Variants in TEAD1 observed in about 807,000 individuals in gnomAD.
TEAD1 encodes the protein TEA domain transcription factor 1.
TEAD1 carries 9 observed loss-of-function variants against 54.9 expected under a neutral mutation model. The observed-to-expected ratio is 0.16, with a 90% CI of 0.10 to 0.29. TEAD1 has a LOEUF of 0.29. Ranked by LOEUF, TEAD1 falls within the 10% of genes least tolerant of loss-of-function variation. The probability of loss-of-function intolerance (pLI) is 1.00; values close to 1 mark genes in which losing one functional copy is unlikely to be tolerated. For missense variants in TEAD1, 387 were observed against 535.9 expected (o/e 0.72, Z 2.74); for synonymous variants, 200 against 187.8 (o/e 1.07, Z -0.53).
At chr11:12,782,253 A>G (rs1008771098) in intron 3 of TEAD1, among the ~76,000 whole-genome samples, 2 of 152,266 alleles carry the variant, frequency 1.3e-5, no homozygotes, top group Admixed American at 1.3e-4. Context: ...TAATAGCTAT[A>G]CAATGGAATA....
At chr11:12,915,313 G>C (rs1339710223) in intron 10 of TEAD1, among the ~76,000 whole-genome samples, 5 of 152,144 alleles carry the variant, frequency 3.3e-5, no homozygotes. Context: ...CACTGGGCAG[G>C]AGTAGCCTTC....
intron 2 of TEAD1, among the ~76,000 whole-genome samples, chr11:12,756,528 C>T (rs1159258021): frequency 6.6e-6 from 1 of 152,178 alleles, no homozygotes; most frequent in African/African-American, 2.4e-5. Context: ...AAGCAATTAA[C>T]CATTATTAGT....
intron 3 of TEAD1, among the ~76,000 whole-genome samples, chr11:12,811,629 C>T (rs1946301555): frequency 6.6e-6 from 1 of 152,072 alleles, no homozygotes; most frequent in South Asian, 2.1e-4. Context: ...TGGAGAGGGG[C>T]GTCTGTGGTC....
chr11:12,882,856 C>T (rs899595759), intron 8 of TEAD1, 145 bp from the exon 9 acceptor site: 49 of 1,194,220 alleles, frequency 4.1e-5, no homozygotes, highest in Admixed American at 7.9e-5. Flanking sequence ...CAGCATCTGT[C>T]GTCTGAGTTA....
At chr11:12,735,562 A>ATTT (rs58093822) in intron 2 of TEAD1, among the ~76,000 whole-genome samples, 3 of 121,044 alleles carry the variant, frequency 2.5e-5, no homozygotes, top group African/African-American at 6.1e-5. Flanking sequence ...TCCTGGTTCG[A>ATTT]TTTTTTTTTT....
At chr11:12,809,892 T>A (rs1946258423) in intron 3 of TEAD1, among the ~76,000 whole-genome samples, 1 of 151,578 alleles carries the variant, frequency 6.6e-6, no homozygotes, top group Admixed American at 6.6e-5. Flanking sequence ...TCCTGAGGCA[T>A]GAAGGAGGCC....
Position 12,879,937 on chromosome 11 carries a change from G to A in TEAD1, c.465+95G>A, listed in dbSNP as rs1312967083. Reference sequence around the variant, plus strand: ...TCCCACCTCCATTTCTTGTCATGTGGGTCAGGTATGTGAGAGGGCAAAGGC... The same window carrying A: ...TCCCACCTCCATTTCTTGTCATGTGAGTCAGGTATGTGAGAGGGCAAAGGC... On this transcript the variant is annotated intron_variant, in intron 6 of 12. Coordinates refer to ENST00000527636, the MANE Select transcript of TEAD1 (RefSeq NM_021961.6). 5.1e-6 allele frequency: 8 copies of A among 1,583,438 alleles called. No individual in the cohort carries two copies. The East Asian group carries it at 1.8e-4, about 35-fold the overall frequency.
intron 3 of TEAD1, among the ~76,000 whole-genome samples, chr11:12,826,517 A>G (rs1215330511): frequency 2.6e-5 from 4 of 152,208 alleles, no homozygotes; most frequent in East Asian, 1.9e-4. Context: ...GGAAATAGAC[A>G]TAAGTGAGAG....
chr11:12,695,758 C>G (rs980266627), intron 2 of TEAD1, among the ~76,000 whole-genome samples: 2 of 152,286 alleles, frequency 1.3e-5, no homozygotes, highest in South Asian at 4.1e-4. Flanking sequence ...TTACACTGAA[C>G]AGATATTTCC....
chr11:12,910,661 T>C (rs1837533), intron 10 of TEAD1, among the ~76,000 whole-genome samples: 28,373 of 151,870 alleles, frequency 0.19, 3,863 homozygotes, highest in African/African-American at 0.38. Context: ...TATCCTATAC[T>C]TATTTAAAAT....
At chr11:12,892,196 T>C (rs1948211301) in intron 9 of TEAD1, among the ~76,000 whole-genome samples, 1 of 152,198 alleles carries the variant, frequency 6.6e-6, no homozygotes, top group South Asian at 2.1e-4. Context: ...ACAGATCAAC[T>C]AAAATTCCGT....
intron 3 of TEAD1, among the ~76,000 whole-genome samples, chr11:12,848,119 C>T (rs190503852): frequency 5.3e-4 from 81 of 152,274 alleles, no homozygotes; most frequent in African/African-American, 1.9e-3. Flanking sequence ...TCCATCTAAT[C>T]GTTCCGTCTT....
chr11:12,764,201 C>T lies in TEAD1; in HGVS notation c.-32C>T. 1 of 1,607,064 alleles carries T rather than the reference C, an allele frequency of 6.2e-7. No homozygotes were observed. The highest frequency in any genetic ancestry group is 1.8e-4 in the Middle Eastern group (1 of 5,488). On this transcript the variant is annotated 5_prime_UTR_variant, in exon 3 of 13. Coordinates refer to ENST00000527636, the MANE Select transcript of TEAD1 (RefSeq NM_021961.6). ...TAGGTTTATTTTCTTGAAAAGGCTC[C>T]AGGCTTCGGCTTGGAAAATCCCACC...
chr11:12,775,412 T>C (rs1482396842), intron 3 of TEAD1, among the ~76,000 whole-genome samples: 1 of 152,222 alleles, frequency 6.6e-6, no homozygotes, highest in Non-Finnish European at 1.5e-5. Context: ...TGTTTCTCTG[T>C]TCTCATCCCC....
intron 5 of TEAD1, among the ~76,000 whole-genome samples, chr11:12,869,568 G>A (rs1440231818): frequency 2.6e-5 from 4 of 152,170 alleles, no homozygotes; most frequent in African/African-American, 9.7e-5. Flanking sequence ...AATTGACTAG[G>A]AGTGTGCATC....
At chr11:12,743,846 G>T (rs139615253) in intron 2 of TEAD1, among the ~76,000 whole-genome samples, 3 of 152,266 alleles carry the variant, frequency 2.0e-5, no homozygotes, top group South Asian at 4.1e-4. Flanking sequence ...TTGATTTGCC[G>T]GACACCTATC....
Position 12,897,030 on chromosome 11 carries a change from G to A in TEAD1, c.700-4910G>A, listed in dbSNP as rs550281124. ...TTTGGAGAAGTCAAAATTAGCCTCC[G>A]TTTTGGATATTGAGGAAATCGAGTC... On this transcript the variant is annotated intron_variant, in intron 9 of 12. Coordinates refer to ENST00000527636, the MANE Select transcript of TEAD1 (RefSeq NM_021961.6). 2.6e-4 allele frequency among the ~76,000 whole-genome samples: 40 copies of A among 152,286 alleles called. No homozygotes were observed. In the South Asian group the frequency reaches 2.7e-3, roughly 10 times the overall value.
intron 2 of TEAD1, among the ~76,000 whole-genome samples, chr11:12,677,394 C>A (rs1253992077): frequency 6.6e-6 from 1 of 152,044 alleles, no homozygotes; most frequent in Non-Finnish European, 1.5e-5. Context: ...GCTTCCTCCT[C>A]CCTTTCCCAT....
At chr11:12,882,918 T>G in intron 8 of TEAD1, 83 bp from the exon 9 acceptor site, 3 of 1,608,850 alleles carry the variant, frequency 1.9e-6, no homozygotes, top group Non-Finnish European at 1.7e-6. Flanking sequence ...TTCTGGGTCA[T>G]CTGTAGAGCC....
Sources: allele counts gnomAD v4.1 joint callset (sites outside exome capture counted in the v4.1 genomes callset), GRCh38; gene constraint gnomAD v4.1.1; transcripts MANE v1.5; gene names NCBI Gene and HGNC (gene_info 2026-07-23, HGNC 2026-07-21).